USP32: variants seen among roughly 807,000 people sequenced by gnomAD.
USP32 encodes ubiquitin carboxyl-terminal hydrolase 32.
A neutral mutation model predicts 204.8 loss-of-function variants in USP32; 59 were observed. That is an observed-to-expected ratio of 0.29 (90% CI 0.23 to 0.36). USP32 has a LOEUF of 0.36. Among genes scored for constraint, USP32 ranks in the 10% least tolerant of loss-of-function variants. USP32 has a pLI of 1.00. For missense variants in USP32, 1,160 were observed against 1,946.4 expected (o/e 0.60, Z 7.60); for synonymous variants, 517 against 678.4 (o/e 0.76, Z 3.70).
intron 29 of USP32, among the ~76,000 whole-genome samples, 199 bp downstream of exon 29, chr17:60,190,364 C>T (rs921120337): frequency 1.3e-5 from 2 of 152,166 alleles, no homozygotes; most frequent in African/African-American, 2.4e-5. Context: ...AAAGACAATG[C>T]CCCAATACAA....
intron 26 of USP32, among the ~76,000 whole-genome samples, chr17:60,201,213 A>C (rs910313007): frequency 2.0e-5 from 3 of 152,192 alleles, no homozygotes; most frequent in African/African-American, 7.2e-5. Flanking sequence ...AGATTCATTT[A>C]TACTCTATAT....
At chr17:60,422,214 C>T (rs986023632) in intron 1 of USP32, 19 of 305,610 alleles carry the variant, frequency 6.2e-5, no homozygotes, top group Admixed American at 9.4e-5. Flanking sequence ...AGGAATGGCA[C>T]ACGTGCAGGA....
intron 11 of USP32, among the ~76,000 whole-genome samples, chr17:60,246,411 ATATT>A (rs1331382759): frequency 6.9e-6 from 1 of 145,786 alleles, no homozygotes; most frequent in Non-Finnish European, 1.5e-5. Flanking sequence ...ATATATATAT[ATATT>A]TTTTTTTTTT....
chr17:60,418,710 AACAG>A (rs1314849089), intron 1 of USP32, among the ~76,000 whole-genome samples: 5 of 152,178 alleles, frequency 3.3e-5, no homozygotes, highest in Admixed American at 2.6e-4. Context: ...AAAGGACATG[AACAG>A]ACACTTTTCA....
At chr17:60,179,500 A>T in intron 33 of USP32, 72 bp from the exon 34 acceptor site, 11 of 1,573,762 alleles carry the variant, frequency 7.0e-6, no homozygotes, top group Non-Finnish European at 9.5e-6. Flanking sequence ...CAGGAAAGGG[A>T]AGACCAACCC....
chr17:60,338,624 A>C (rs2088581626), intron 2 of USP32, among the ~76,000 whole-genome samples: 1 of 152,006 alleles, frequency 6.6e-6, no homozygotes, highest in African/African-American at 2.4e-5. Flanking sequence ...CAGCTACTTG[A>C]GAGGCTGAGG....
intron 9 of USP32, among the ~76,000 whole-genome samples, chr17:60,259,914 T>C (rs907196275): frequency 6.6e-6 from 1 of 152,236 alleles, no homozygotes; most frequent in Non-Finnish European, 1.5e-5. Flanking sequence ...GGTGATATTT[T>C]TGTGACTAGA....
At chr17:60,395,401 T>C (rs890646692), upstream of USP32, among the ~76,000 whole-genome samples, 2 of 152,218 alleles carry the variant, frequency 1.3e-5, no homozygotes, top group Admixed American at 6.5e-5. Context: ...GTGAAGCAGA[T>C]AGTTGTGTCT....
At chr17:60,405,007 G>A (rs1044191383) in intron 1 of USP32, among the ~76,000 whole-genome samples, 39 of 151,938 alleles carry the variant, frequency 2.6e-4, no homozygotes, top group African/African-American at 8.7e-4. Context: ...TGAAACCCTC[G>A]TCTCTACTAA....
intron 1 of USP32, among the ~76,000 whole-genome samples, chr17:60,367,571 C>T (rs2089342796): frequency 6.6e-6 from 1 of 152,040 alleles, no homozygotes. Flanking sequence ...AGCACTTTGG[C>T]AGGCTGAGGT....
intron 10 of USP32, among the ~76,000 whole-genome samples, chr17:60,254,884 T>C (rs2086254949): frequency 6.6e-6 from 1 of 152,110 alleles, no homozygotes; most frequent in Non-Finnish European, 1.5e-5. Context: ...AAGACAATAA[T>C]GAAGAAACTA....
Position 60,179,050 on chromosome 17 carries a change from T to A in USP32, c.*205A>T. The A allele has an allele frequency of 1.7e-6, 1 of 589,568 alleles. No individual in the cohort carries two copies. The highest frequency in any genetic ancestry group is 2.8e-6 in the Non-Finnish European group (1 of 359,806). The allele number at this position is 589,568 out of a possible 1,614,324, so 36.5% of individuals were successfully genotyped here. ...GTGGGATCTGCCTGAAAGTTCTCTA[T>A]CGGAGAGCTTGTATGAGACTTCAAA... is the stretch of plus-strand genomic sequence containing the variant. On this transcript the variant is annotated 3_prime_UTR_variant, in exon 34 of 34. Transcript: ENST00000300896.
upstream of USP32, among the ~76,000 whole-genome samples, chr17:60,393,151 C>T (rs922507286): frequency 2.0e-5 from 3 of 152,170 alleles, no homozygotes; most frequent in African/African-American, 7.2e-5. Flanking sequence ...TCCGTGGCAA[C>T]CGCTGTCCTA....
At chr17:60,331,654 A>G (rs2145967940) in intron 2 of USP32, among the ~76,000 whole-genome samples, 1 of 147,468 alleles carries the variant, frequency 6.8e-6, no homozygotes, top group East Asian at 2.1e-4. Flanking sequence ...TCACACCTGT[A>G]AACCTAGCAC....
chr17:60,383,235 C>CA (rs11300967), intron 1 of USP32, among the ~76,000 whole-genome samples: 925 of 73,554 alleles, frequency 0.013, no homozygotes, highest in South Asian at 0.026. Flanking sequence ...GACATCGTCC[C>CA]AAAAAAAAAA....
chr17:60,286,650 T>C (rs58793396), intron 5 of USP32, among the ~76,000 whole-genome samples: 10,235 of 152,242 alleles, frequency 0.067, 1,216 homozygotes, highest in African/African-American at 0.23. Context: ...AAATAAGTAA[T>C]GTGTTAAGCC....
intron 1 of USP32, among the ~76,000 whole-genome samples, chr17:60,413,347 G>T (rs980793253): frequency 5.3e-5 from 8 of 152,156 alleles, no homozygotes; most frequent in African/African-American, 1.9e-4. Context: ...GCCAAACAAG[G>T]AGAGCTGGCA....
intron 26 of USP32, among the ~76,000 whole-genome samples, chr17:60,203,930 C>T (rs992896790): frequency 2.0e-5 from 3 of 152,172 alleles, no homozygotes; most frequent in African/African-American, 7.2e-5. Flanking sequence ...AATCAGCTAT[C>T]TAGTGGCAGA....
In USP32 at chr17:60,336,522, C is replaced by T. The variant is rs370375384; in HGVS notation, c.186+8959G>A. Reference sequence around the variant, plus strand: ...CGAGGTCAAGAGATCGAGACCATCCCGGCTAAAACGGTGAAACCCCGTCTC... The same window carrying T: ...CGAGGTCAAGAGATCGAGACCATCCTGGCTAAAACGGTGAAACCCCGTCTC... On this transcript the variant is annotated intron_variant, in intron 2 of 33. Transcript: ENST00000300896. 1.5e-5 allele frequency among the ~76,000 whole-genome samples: 2 copies of T among 134,908 alleles called. 1 individual carries two copies. Among genetic ancestry groups the T allele is most frequent in the African/African-American group, 7.0e-5 (2 of 28,422 alleles). The allele number at this position is 134,908 out of a possible 152,430, so 88.5% of individuals were successfully genotyped here. A position where few individuals can be genotyped will look rare whatever the true frequency, so the allele number is the denominator to read the frequency against.
Sources: allele counts gnomAD v4.1 joint callset (sites outside exome capture counted in the v4.1 genomes callset), GRCh38; gene constraint gnomAD v4.1.1; transcripts MANE v1.5; gene names NCBI Gene and HGNC (gene_info 2026-07-23, HGNC 2026-07-21).